The following ROBO2 variants were observed in gnomAD, a reference collection of about 807,000 sequenced individuals.
The protein encoded by ROBO2 is roundabout guidance receptor 2, also known as roundabout homolog 2.
Under a neutral mutation model 160.8 loss-of-function variants are expected in ROBO2, and 53 were observed. The ratio of observed to expected loss-of-function variants is 0.33; its 90% confidence interval spans 0.26 to 0.41. The LOEUF (loss-of-function observed/expected upper bound fraction) is 0.41, where lower values mean the gene tolerates loss of function less well. Ranked by LOEUF, ROBO2 falls within the 10% of genes least tolerant of loss-of-function variation. The pLI is 1.00. For missense variants in ROBO2, 1,577 were observed against 1,722.4 expected, an observed-to-expected ratio of 0.92 and a Z score of 1.49; for synonymous variants, 664 against 611.7, an observed-to-expected ratio of 1.09 and a Z score of -1.26.
chr3:76,735,183 C>T (rs1193777403), intron 2 of ROBO2, among the ~76,000 whole-genome samples: 1 of 152,122 alleles, frequency 6.6e-6, no homozygotes, highest in East Asian at 1.9e-4. Context: ...ATGGAATCAA[C>T]CTAGGTGCTC....
rs539685465 is a variant in ROBO2 at position 75,939,274 on chromosome 3, C to A, written c.109+1672C>A. ...TATCACACAGGGTTGCTAAAACCTT[C>A]CTCTGACCATCATTTCCAGTAATTG... On this transcript the variant is annotated intron_variant, in intron 2 of 26. Coordinates refer to the ROBO2 transcript ENST00000487694. Among the ~76,000 whole-genome samples the A allele has an allele frequency of 5.6e-4, 86 of 152,220 alleles. 1 individual carries two copies. In the Middle Eastern group the frequency reaches 0.017, roughly 30 times the overall value.
intron 2 of ROBO2, among the ~76,000 whole-genome samples, chr3:76,370,077 A>T (rs1339464313): frequency 6.6e-6 from 1 of 152,006 alleles, no homozygotes; most frequent in Non-Finnish European, 1.5e-5. Flanking sequence ...GCTATGTAGA[A>T]TATTACAGAG....
chr3:77,526,542 T>C (rs2091178423), intron 6 of ROBO2, among the ~76,000 whole-genome samples: 1 of 151,576 alleles, frequency 6.6e-6, no homozygotes, highest in Non-Finnish European at 1.5e-5. Flanking sequence ...TCTATTGCTT[T>C]TGTATAAAAT....
chr3:76,194,718 C>T (rs1702179644), intron 2 of ROBO2, among the ~76,000 whole-genome samples: 1 of 151,772 alleles, frequency 6.6e-6, no homozygotes, highest in Non-Finnish European at 1.5e-5. Context: ...CTCCCTGGTT[C>T]AAGTGATTCT....
At chr3:76,177,200 AGAT>A (rs2073262906) in intron 2 of ROBO2, among the ~76,000 whole-genome samples, 1 of 152,194 alleles carries the variant, frequency 6.6e-6, no homozygotes, top group African/African-American at 2.4e-5. Context: ...AGATTTAAGA[AGAT>A]AATCCTTTAT....
intron 2 of ROBO2, among the ~76,000 whole-genome samples, chr3:76,840,093 TTTG>T (rs1358147441): frequency 6.6e-6 from 1 of 152,098 alleles, no homozygotes; most frequent in African/African-American, 2.4e-5. Context: ...GTTTGTCAAT[TTTG>T]TTTATTTTTT....
At chr3:76,471,766 G>T (rs1377054428) in intron 2 of ROBO2, among the ~76,000 whole-genome samples, 1 of 152,054 alleles carries the variant, frequency 6.6e-6, no homozygotes, top group African/African-American at 2.4e-5. Flanking sequence ...TCACAGTTCT[G>T]CAGGCTGGGA....
At chr3:76,669,054 C>T (rs1180661583) in intron 2 of ROBO2, among the ~76,000 whole-genome samples, 1 of 152,078 alleles carries the variant, frequency 6.6e-6, no homozygotes, top group Non-Finnish European at 1.5e-5. Flanking sequence ...ATATTGTACT[C>T]TTTTCAGTTT....
intron 2 of ROBO2, among the ~76,000 whole-genome samples, chr3:76,253,002 A>T (rs1380769610): frequency 6.6e-6 from 1 of 152,090 alleles, no homozygotes; most frequent in African/African-American, 2.4e-5. Flanking sequence ...GCCCCCCCAC[A>T]TTATCAAACA....
chr3:77,341,996 C>A (rs1404297249), intron 2 of ROBO2, among the ~76,000 whole-genome samples: 1 of 152,012 alleles, frequency 6.6e-6, no homozygotes. Context: ...GTAGAAATTG[C>A]TGGATATTAA....
chr3:76,724,822 A>G (rs1168910059), intron 2 of ROBO2, among the ~76,000 whole-genome samples: 1 of 152,144 alleles, frequency 6.6e-6, no homozygotes, highest in Admixed American at 6.6e-5. Context: ...AGCTTTTATT[A>G]TCCAGGTGGC....
intron 10 of ROBO2, 21 bp downstream of exon 11, chr3:77,562,753 G>A (rs781568243): frequency 1.9e-6 from 3 of 1,568,344 alleles, no homozygotes; most frequent in Non-Finnish European, 2.6e-6. Flanking sequence ...TGTGAATTAG[G>A]AGAAATCTTG....
chr3:77,574,854 G>T, intron 14 of ROBO2, 124 bp downstream of exon 15: 1 of 733,710 alleles, frequency 1.4e-6, no homozygotes, highest in Non-Finnish European at 2.3e-6. Context: ...AGGAAGTGTC[G>T]TTTTCTCCTT....
chr3:76,917,745 T>TA (rs5850299), intron 2 of ROBO2, among the ~76,000 whole-genome samples: 68,606 of 150,530 alleles, frequency 0.46, 15,818 homozygotes, highest in African/African-American at 0.55. Flanking sequence ...TCTGGTGAGC[T>TA]AAAAAAAAAT....
intron 2 of ROBO2, among the ~76,000 whole-genome samples, chr3:76,268,818 T>G (rs991133469): frequency 5.3e-5 from 8 of 152,138 alleles, no homozygotes; most frequent in African/African-American, 1.9e-4. Flanking sequence ...TAAGGCAACA[T>G]GTAGCCCTGA....
At chr3:77,428,506 G>C (rs1487782699) in intron 2 of ROBO2, among the ~76,000 whole-genome samples, 1 of 150,778 alleles carries the variant, frequency 6.6e-6, no homozygotes, top group African/African-American at 2.4e-5. Flanking sequence ...ACAGGCACCC[G>C]CCACCGCGCC....
chr3:76,560,933 GATATATATATATATATATATATAT>G (rs10581875), intron 2 of ROBO2, among the ~76,000 whole-genome samples: 3 of 128,162 alleles, frequency 2.3e-5, no homozygotes, highest in East Asian at 2.3e-4. Context: ...TAAGAAGTAA[GATATATATATATATATATATATAT>G]ATATATATAT....
chr3:76,973,220 G>A (rs2059654834), intron 2 of ROBO2, among the ~76,000 whole-genome samples: 1 of 152,034 alleles, frequency 6.6e-6, no homozygotes. Flanking sequence ...TTTCATTTGT[G>A]CCTAGTCTTT....
intron 2 of ROBO2, among the ~76,000 whole-genome samples, chr3:76,572,124 C>G (rs1375012598): frequency 6.6e-6 from 1 of 152,050 alleles, no homozygotes; most frequent in Non-Finnish European, 1.5e-5. Context: ...TCAAAGACTG[C>G]CATAAACACT....
Sources: allele counts gnomAD v4.1 joint callset (sites outside exome capture counted in the v4.1 genomes callset), GRCh38; gene constraint gnomAD v4.1.1; transcripts MANE v1.5; gene names NCBI Gene and HGNC (gene_info 2026-07-23, HGNC 2026-07-21).